The following SZT2 variants were observed in gnomAD, a reference collection of about 807,000 sequenced individuals.
The protein encoded by SZT2 is KICSTOR complex protein SZT2.
In SZT2, 216 loss-of-function variants were observed where a neutral mutation model predicts 404.2. That is an observed-to-expected ratio of 0.53 (90% CI 0.48 to 0.60). SZT2 has a LOEUF of 0.60. Among genes scored for constraint, SZT2 ranks in the 20% least tolerant of loss-of-function variants. The pLI is 0.00. For missense variants in SZT2, 3,857 were observed against 4,459.2 expected (o/e 0.86, Z 3.85); for synonymous variants, 1,693 against 1,749.9 (o/e 0.97, Z 0.81).
rs747143141 is a variant in SZT2, at chr1:43,443,597, C to T, written c.8626C>T (p.Arg2876Trp). The T allele has an allele frequency of 2.5e-5, 41 of 1,613,926 alleles. No individual in the cohort carries two copies. The highest frequency in any genetic ancestry group is 1.8e-4 in the Admixed American group (11 of 60,006). ...TCTTCCTTGATCTTTACTCTCATAG[C>T]GGCGCCATCGCCCTGAGTCAGGGTC... ...PETSGPPDGQ[R>W]RHRPESGSGS... Residue 2876 changes from arginine (R) to tryptophan (W), a missense_variant and splice_region_variant, in exon 62 of 72, where the codon CGG becomes TGG. By Grantham distance (101) the Arg-to-Trp change is moderately radical (BLOSUM62 -3). Transcript: ENST00000634258.
chr1:43,450,228 T>TCCA lies in SZT2; in HGVS notation c.10155+60_10155+62dup, dbSNP rs1335084755. ...TCATGGGAGGCCGTACCCCAAATGC[T>TCCA]CCACCTCGGAGCCTGCTGAGGTTGG... On this transcript the variant is annotated intron_variant, in intron 71 of 71. Transcript: ENST00000634258. This position sits in a 1 kb window ranked among gnomAD's most constrained non-coding sequence, Gnocchi z 4.3. The TCCA allele has an allele frequency of 1.2e-6, 2 of 1,613,680 alleles. No individual in the cohort carries two copies. Among genetic ancestry groups the TCCA allele is most frequent in the Non-Finnish European group, 1.7e-6 (2 of 1,179,752 alleles).
chr1:43,436,939 C>T, intron 42 of SZT2: 3 of 570,056 alleles, frequency 5.3e-6, no homozygotes, highest in Admixed American at 3.2e-5. Flanking sequence ...TTAGCTCCTT[C>T]TCTAAGTCTC....
chr1:43,452,496 C>CT lies in SZT2; in HGVS notation c.*2016_*2017insT, dbSNP rs1656555545. On this transcript the variant is annotated 3_prime_UTR_variant, in exon 72 of 72. Coordinates refer to ENST00000634258, the MANE Select transcript of SZT2 (RefSeq NM_001365999.1). The stretch of plus-strand genomic sequence containing the variant: ...AGACACTTCAGTGATGGCTGAGGGG[C>CT]AAGCCCTTTCCCAGACATCTCAGTG... 1.4e-6 allele frequency: 1 copy of CT among 692,332 alleles called. No individual in the cohort carries two copies. The highest frequency in any genetic ancestry group is 2.7e-6 in the Non-Finnish European group (1 of 373,708). The allele number at this position is 692,332 out of a possible 1,614,324, so 42.9% of individuals were successfully genotyped here.
At chr1:43,391,586 GATCA>G (rs957820592) in intron 1 of SZT2, among the ~76,000 whole-genome samples, 50 of 152,092 alleles carry the variant, frequency 3.3e-4, no homozygotes, top group African/African-American at 1.1e-3. Context: ...TATCAATCAA[GATCA>G]ATCAGAAATA....
rs1654958568 is a variant in SZT2 at position 43,440,568 on chromosome 1, T to G, written c.7326T>G (p.Arg2442=). 6.9e-6 allele frequency: 11 copies of G among 1,602,478 alleles called. No homozygotes were observed. The highest frequency in any genetic ancestry group is 9.4e-6 in the Non-Finnish European group (11 of 1,174,816). ...CTCCACCCAGCAAAGCGGGCCGGCG[T>G]AGCTTCTGGGATATGCTGGTAATGG... The part of the protein sequence containing the change: ...PVTPPSKAGR[R]SFWDMLSKTE... Residue 2442 remains arginine (R), a synonymous_variant, in exon 52 of 72, where the codon CGT becomes CGG. Coordinates refer to ENST00000634258, the MANE Select transcript of SZT2 (RefSeq NM_001365999.1).
At position 43,426,290 on chromosome 1, in the gene SZT2, G is replaced by T; in HGVS notation, c.3044-78G>T. On this transcript the variant is annotated intron_variant, in intron 21 of 71. Coordinates refer to ENST00000634258, the MANE Select transcript of SZT2 (RefSeq NM_001365999.1). This position sits in a 1 kb window ranked among gnomAD's most constrained non-coding sequence, Gnocchi z 4.9. Reference sequence around the variant, plus strand: ...GAGGAGCCCATGAGGCTGAAGGAGGGGCCAGCTGGTCAGGGCTGAGCCGGG... The same window carrying T: ...GAGGAGCCCATGAGGCTGAAGGAGGTGCCAGCTGGTCAGGGCTGAGCCGGG... The T allele has an allele frequency of 1.3e-6, 2 of 1,499,710 alleles. No individual in the cohort carries two copies. 92.9% of individuals were successfully genotyped at this position (1,499,710 alleles called of 1,614,324 possible).
rs780300622 is a variant in SZT2, at chr1:43,442,643, A to G, written c.8151+25A>G. The G allele has an allele frequency of 1.5e-5, 24 of 1,574,914 alleles. No homozygotes were observed. In the East Asian group the frequency reaches 4.7e-4, roughly 31 times the overall value. ...GGTGCCTGCTGCTCTGGTTCTTCCT[A>G]TAGTTTTGGCTACTGAGGGGTCAGT... is the stretch of plus-strand genomic sequence containing the variant. On this transcript the variant is annotated intron_variant, in intron 58 of 71. Transcript: ENST00000634258. The surrounding 1 kb of genome is among the most constrained non-coding windows in gnomAD (Gnocchi z 4.5).
In SZT2 at chr1:43,442,304, A is replaced by T. The variant is rs774596486; in HGVS notation, c.7910A>T (p.Asp2637Val). 1.1e-5 allele frequency: 18 copies of T among 1,614,008 alleles called. No individual in the cohort carries two copies. The highest frequency in any genetic ancestry group is 1.5e-5 in the Non-Finnish European group (18 of 1,179,978). Residue 2637 changes from aspartate (D) to valine (V), a missense_variant, in exon 57 of 72, where the codon GAT becomes GTT. This residue lies in a region of SZT2 where 573 missense variants were observed against 592.4 expected (regional missense o/e 0.97). Coordinates refer to ENST00000634258, the MANE Select transcript of SZT2 (RefSeq NM_001365999.1). The surrounding 1 kb of genome is among the most constrained non-coding windows in gnomAD (Gnocchi z 4.5). ...KAMQRFEPGG[D>V]GSSGRNAPRQ... ...ATGCAGCGCTTCGAGCCAGGAGGTG[A>T]TGGGAGCTCAGGGCGAAATGCTCCC...
In SZT2 at chr1:43,441,511, A is replaced by G. The variant is rs1328542571; in HGVS notation, c.7519A>G (p.Thr2507Ala). 2 of 1,613,838 alleles carry G rather than the reference A, an allele frequency of 1.2e-6. No individual in the cohort carries two copies. The highest frequency in any genetic ancestry group is 1.1e-5 in the South Asian group (1 of 91,010). Residue 2507 changes from threonine (T) to alanine (A), a missense_variant, in exon 54 of 72, where the codon ACA (threonine) becomes GCA (alanine). Physicochemically the swap from Thr to Ala is moderately conservative, Grantham distance 58 (BLOSUM62 0). Around this residue, in one of 7 missense-constraint regions of SZT2, gnomAD observed 573 missense variants for 592.4 expected, o/e 0.97. Transcript: ENST00000634258. The surrounding 1 kb of genome is among the most constrained non-coding windows in gnomAD (Gnocchi z 4.8). The part of the protein sequence containing the change: ...DSGAQRQKRR[T>A]TQLEEGEVGT... ...TACTCCCACTGTCTTCAGGCGCCGGACAACACAGCTAGAAGAGGGTGAGGT... is the reference window on the plus strand; with the variant it reads ...TACTCCCACTGTCTTCAGGCGCCGGGCAACACAGCTAGAAGAGGGTGAGGT...
chr1:43,441,316 A>T lies in SZT2; in HGVS notation c.7447A>T (p.Ser2483Cys), dbSNP rs141407802. ...GGGCCGGAGGCGTCACAAAACCGAG[A>T]GTGTTCGGACTCCTGGTGGAGCTGA... is the stretch of plus-strand genomic sequence containing the variant. ...TRGRRRHKTE[S>C]VRTPGGAERA... is the part of the protein sequence containing the mutation. The change falls in exon 53 of 72, where the codon AGT becomes TGT. Residue 2483 changes from serine (S) to cysteine (C), a missense_variant. Coordinates refer to ENST00000634258, the MANE Select transcript of SZT2 (RefSeq NM_001365999.1). The surrounding 1 kb of genome is among the most constrained non-coding windows in gnomAD (Gnocchi z 4.8). The T allele has an allele frequency of 5.0e-6, 8 of 1,613,992 alleles. No individual in the cohort carries two copies. The highest frequency in any genetic ancestry group is 6.8e-6 in the Non-Finnish European group (8 of 1,180,028).
intron 47 of SZT2, 44 bp from the exon 48 acceptor site, chr1:43,438,885 G>T (rs373423992): frequency 4.8e-5 from 78 of 1,613,324 alleles, no homozygotes; most frequent in Non-Finnish European, 6.2e-5. Context: ...AGTCTAGGCT[G>T]GAACTTCTGC....
chr1:43,450,085 C>T lies in SZT2; in HGVS notation c.10087-18C>T, dbSNP rs868047652. The T allele has an allele frequency of 6.2e-7, 1 of 1,614,104 alleles. No homozygotes were observed. The highest frequency in any genetic ancestry group is 1.1e-5 in the South Asian group (1 of 91,084). On this transcript the variant is annotated intron_variant, in intron 70 of 71. Transcript: ENST00000634258. The surrounding 1 kb of genome is among the most constrained non-coding windows in gnomAD (Gnocchi z 4.3). ...AGGGTCTGTAGGGTCTGTGTCCCCT[C>T]CTCATCTTTCACTGCAGGTTGTGCT...
Position 43,439,176 on chromosome 1 carries a change from C to T in SZT2, c.6792+83C>T. 5.7e-6 allele frequency: 9 copies of T among 1,586,888 alleles called. No individual in the cohort carries two copies. The highest frequency in any genetic ancestry group is 5.2e-6 in the Non-Finnish European group (6 of 1,160,706). On this transcript the variant is annotated intron_variant, in intron 48 of 71. Transcript: ENST00000634258. The surrounding 1 kb of genome is among the most constrained non-coding windows in gnomAD (Gnocchi z 4.2). ...CACTTACTCTTTCCTACCGATACCCCTATATGTACCTTTGCCCATGGACCT... is the reference window on the plus strand; with the variant it reads ...CACTTACTCTTTCCTACCGATACCCTTATATGTACCTTTGCCCATGGACCT...
chr1:43,413,092 G>A (rs1018733741), intron 4 of SZT2, among the ~76,000 whole-genome samples: 1 of 152,200 alleles, frequency 6.6e-6, no homozygotes, highest in African/African-American at 2.4e-5. Context: ...ATGAAGAACA[G>A]TTTGGAGGTT....
Position 43,427,133 on chromosome 1 carries a change from G to T in SZT2, c.3387G>T (p.Val1129=), listed in dbSNP as rs1358474111. 6.2e-7 allele frequency: 1 copy of T among 1,614,076 alleles called. No homozygotes were observed. Among genetic ancestry groups the T allele is most frequent in the Non-Finnish European group, 8.5e-7 (1 of 1,180,054 alleles). Residue 1129 remains valine, a synonymous_variant, in exon 24 of 72, where the codon GTG becomes GTT. Transcript: ENST00000634258. ...PPQWRCYARL[V]NPQHVFLTFL... ...AGTGGCGCTGCTATGCAAGGCTTGT[G>T]AACCCCCAGCATGTGTTTCTGACTT...
At chr1:43,414,234 C>T (rs1651424359) in intron 4 of SZT2, among the ~76,000 whole-genome samples, 1 of 151,830 alleles carries the variant, frequency 6.6e-6, no homozygotes, top group Non-Finnish European at 1.5e-5. Flanking sequence ...GAGCCAAGAT[C>T]GCACCTGCAC....
chr1:43,424,732 G>C lies in SZT2; in HGVS notation c.2472-52G>C. On this transcript the variant is annotated intron_variant, in intron 16 of 71. Transcript: ENST00000634258. The surrounding 1 kb of genome is among the most constrained non-coding windows in gnomAD (Gnocchi z 4.1). ...TATGTGGGGAGAGCTTGTAGTCTCA[G>C]TGTCTCTTCTTCCCTTATCCTGGCC... 1 of 1,492,442 alleles carries C rather than the reference G, an allele frequency of 6.7e-7. No individual in the cohort carries two copies. 92.4% of individuals were successfully genotyped at this position (1,492,442 alleles called of 1,614,324 possible).
At chr1:43,404,694 G>T (rs1191192358) in intron 4 of SZT2, 144 bp downstream of exon 4, 1 of 783,610 alleles carries the variant, frequency 1.3e-6, no homozygotes, top group African/African-American at 1.7e-5. Flanking sequence ...TCATCCTCAT[G>T]AGTCTCTCTC....
rs1652640227 is a variant in SZT2 at position 43,423,243 on chromosome 1, G to A, written c.2182G>A (p.Gly728Arg). Residue 728 changes from glycine to arginine, a missense_variant, in exon 15 of 72, where the codon GGG (glycine) becomes AGG (arginine). Transcript: ENST00000634258. ...TCCCTCCAAGTCACCCCCCGTGCTG[G>A]GGCCACAGCAGGCCCTGTCTGACCG... is the stretch of plus-strand genomic sequence containing the variant. ...SSPSKSPPVLGPQQALSDRPC... is the reference protein window; with the variant it reads ...SSPSKSPPVLRPQQALSDRPC... 6.3e-7 allele frequency: 1 copy of A among 1,589,936 alleles called. No individual in the cohort carries two copies. Among genetic ancestry groups the A allele is most frequent in the Non-Finnish European group, 8.5e-7 (1 of 1,175,312 alleles).
Sources: allele counts gnomAD v4.1 joint callset (sites outside exome capture counted in the v4.1 genomes callset), GRCh38; gene constraint gnomAD v4.1.1; regional missense constraint gnomAD v4.1.1; non-coding constraint Gnocchi (gnomAD v3.1); transcripts MANE v1.5; gene names NCBI Gene and HGNC (gene_info 2026-07-23, HGNC 2026-07-21).